Variants in BCL11B observed in about 807,000 individuals in gnomAD.
The protein encoded by BCL11B is B-cell lymphoma/leukemia 11B.
A neutral mutation model predicts 49.9 loss-of-function variants in BCL11B; 8 were observed. That is an observed-to-expected ratio of 0.16 (90% CI 0.09 to 0.29). The LOEUF (loss-of-function observed/expected upper bound fraction) is 0.29. BCL11B is among the 10% of genes least tolerant of loss of function. The probability of loss-of-function intolerance (pLI) is 1.00; values close to 1 mark genes in which losing one functional copy is unlikely to be tolerated. For missense variants in BCL11B, 1,006 were observed against 1,351.0 expected, an observed-to-expected ratio of 0.74 and a Z score of 4.00; for synonymous variants, 739 against 637.4, an observed-to-expected ratio of 1.16 and a Z score of -2.40.
At chr14:99,179,897 A>G (rs1886651548) in intron 3 of BCL11B, among the ~76,000 whole-genome samples, 1 of 152,202 alleles carries the variant, frequency 6.6e-6, no homozygotes, top group Non-Finnish European at 1.5e-5. Context: ...TCACTTTCAG[A>G]AATGGAACAA....
rs1168216060 is a variant in BCL11B at position 99,184,555 on chromosome 14, G to A, written c.641-8360C>T. ...CCCCAGGTCACAGGGCTGGTAAGTG[G>A]CAGAGTCAAGATGCACACCCGGGTC... is the stretch of plus-strand genomic sequence containing the variant. On this transcript the variant is annotated intron_variant, in intron 3 of 3. Coordinates refer to ENST00000357195, the MANE Select transcript of BCL11B (RefSeq NM_138576.4). The surrounding 1 kb of genome is among the most constrained non-coding windows in gnomAD (Gnocchi z 6.1). Among the ~76,000 whole-genome samples, 1 of 152,176 alleles carries A rather than the reference G, an allele frequency of 6.6e-6. No homozygotes were observed. Among genetic ancestry groups the A allele is most frequent in the Non-Finnish European group, 1.5e-5 (1 of 68,044 alleles).
intron 3 of BCL11B, among the ~76,000 whole-genome samples, chr14:99,193,515 T>C (rs1305524767): frequency 2.0e-5 from 3 of 152,170 alleles, no homozygotes; most frequent in South Asian, 2.1e-4. Flanking sequence ...AGCCATCAAC[T>C]TGGTACAACA....
intron 2 of BCL11B, among the ~76,000 whole-genome samples, chr14:99,256,011 C>T (rs1222894967): frequency 6.6e-6 from 1 of 152,246 alleles, no homozygotes; most frequent in Non-Finnish European, 1.5e-5. Context: ...CACAGTCTCC[C>T]CACAAAAGAG....
At chr14:99,255,577 T>C (rs965574743) in intron 2 of BCL11B, among the ~76,000 whole-genome samples, 2 of 152,282 alleles carry the variant, frequency 1.3e-5, no homozygotes, top group Middle Eastern at 3.4e-3. Context: ...GCCTTCAATG[T>C]GAAATGAGGA....
Position 99,169,584 on chromosome 14 carries a change from A to G in BCL11B, c.*4567T>C, listed in dbSNP as rs190447496. ...TAATAAATAGTTCCAAACTTGTAGTAAAAGACAAAACCTCCAAGTAAACAA... is the reference window on the plus strand; with the variant it reads ...TAATAAATAGTTCCAAACTTGTAGTGAAAGACAAAACCTCCAAGTAAACAA... On this transcript the variant is annotated 3_prime_UTR_variant, in exon 4 of 4. Transcript: ENST00000357195. 4.8e-6 allele frequency: 1 copy of G among 208,602 alleles called. No homozygotes were observed. Among genetic ancestry groups the G allele is most frequent in the African/African-American group, 2.3e-5 (1 of 44,206 alleles). The allele number at this position is 208,602 out of a possible 1,614,324, so 12.9% of individuals were successfully genotyped here.
rs1595091742 is a variant in BCL11B at position 99,271,277 on chromosome 14, G to A, written c.-59C>T. The A allele has an allele frequency of 1.3e-5, 16 of 1,239,846 alleles. No homozygotes were observed. The highest frequency in any genetic ancestry group is 1.6e-5 in the Non-Finnish European group (16 of 987,774). The allele number at this position is 1,239,846 out of a possible 1,614,324, so 76.8% of individuals were successfully genotyped here. ...GCTGCACTGATGGGGGGAGCCGGGG[G>A]AGGGGGTCCGAGCCGCCGCCGCGCC... On this transcript the variant is annotated 5_prime_UTR_variant, in exon 1 of 4. Transcript: ENST00000357195.
chr14:99,212,799 C>T (rs1887725495), intron 3 of BCL11B, among the ~76,000 whole-genome samples: 1 of 152,210 alleles, frequency 6.6e-6, no homozygotes, highest in Non-Finnish European at 1.5e-5. Context: ...AAAGACTGCA[C>T]TGCAGAGGGC....
At position 99,234,329 on chromosome 14, in the gene BCL11B, G is replaced by GA. The variant is rs36053048; in HGVS notation, c.428-2773dup. 7.2e-5 allele frequency among the ~76,000 whole-genome samples: 11 copies of GA among 152,216 alleles called. No homozygotes were observed. The East Asian group carries it at 1.7e-3, about 24-fold the overall frequency. On this transcript the variant is annotated intron_variant, in intron 2 of 3. Coordinates refer to ENST00000357195, the MANE Select transcript of BCL11B (RefSeq NM_138576.4). ...CATCATGTGACTCTTACCTCAACTT[G>GA]AAAAAACAGCCTCAGTACCTGTCCC...
chr14:99,214,671 A>AAAAC (rs1555380145), intron 3 of BCL11B, among the ~76,000 whole-genome samples: 2 of 151,540 alleles, frequency 1.3e-5, no homozygotes, highest in African/African-American at 4.8e-5. Context: ...AAATATTAAA[A>AAAAC]AAATAAATAA....
chr14:99,245,047 TAC>T (rs1250303436), intron 2 of BCL11B, among the ~76,000 whole-genome samples: 1 of 152,216 alleles, frequency 6.6e-6, no homozygotes, highest in Non-Finnish European at 1.5e-5. Flanking sequence ...GCGAACAGTA[TAC>T]AGTTTTATTT....
At chr14:99,251,168 G>A (rs576267325) in intron 2 of BCL11B, among the ~76,000 whole-genome samples, 4 of 152,270 alleles carry the variant, frequency 2.6e-5, no homozygotes, top group Non-Finnish European at 5.9e-5. Context: ...AGATAATTGG[G>A]GTCTGGACTC....
Position 99,241,362 on chromosome 14 carries a change from G to A in BCL11B, c.428-9805C>T, listed in dbSNP as rs1595066204. Among the ~76,000 whole-genome samples, 1 of 151,710 alleles carries A rather than the reference G, an allele frequency of 6.6e-6. No individual in the cohort carries two copies. Among genetic ancestry groups the A allele is most frequent in the African/African-American group, 2.4e-5 (1 of 41,252 alleles). ...ATCATAGTGTAGCCAGGATCCCAAC[G>A]AGCTCCAATTCCAGATCGGGGCGAG... On this transcript the variant is annotated intron_variant, in intron 2 of 3. Coordinates refer to ENST00000357195, the MANE Select transcript of BCL11B (RefSeq NM_138576.4). The surrounding 1 kb of genome is among the most constrained non-coding windows in gnomAD (Gnocchi z 4.4).
intron 3 of BCL11B, among the ~76,000 whole-genome samples, chr14:99,225,338 T>C (rs1333006385): frequency 1.3e-5 from 2 of 152,186 alleles, no homozygotes; most frequent in Non-Finnish European, 1.5e-5. Flanking sequence ...TAGATTGTTA[T>C]AGACTGACTT....
At chr14:99,186,259 G>A (rs779878502) in intron 3 of BCL11B, among the ~76,000 whole-genome samples, 9 of 152,222 alleles carry the variant, frequency 5.9e-5, no homozygotes, top group Non-Finnish European at 1.2e-4. Context: ...AGTGGCTCAC[G>A]CCTGTAATCC....
chr14:99,202,368 C>T (rs75484930), intron 3 of BCL11B, among the ~76,000 whole-genome samples: 2,769 of 152,266 alleles, frequency 0.018, 47 homozygotes, highest in Middle Eastern at 0.037. Context: ...GTTCTTTTCT[C>T]CTGCTTTTTC....
At chr14:99,240,293 T>C (rs933138059) in intron 2 of BCL11B, among the ~76,000 whole-genome samples, 4 of 152,250 alleles carry the variant, frequency 2.6e-5, no homozygotes, top group South Asian at 4.1e-4. Context: ...GATAGAATTA[T>C]AGGCAATTGA....
At position 99,257,535 on chromosome 14, in the gene BCL11B, G is replaced by A. The variant is rs370892505; in HGVS notation, c.363C>T (p.Pro121=). ...EPVEIGIQVT[P]DEDDHLLSPT... Reference sequence around the variant, plus strand: ...GTGAGAGCAGGTGGTCATCTTCGTCGGGGGTGACTTGGATCCCGATCTCCA... The same window carrying A: ...GTGAGAGCAGGTGGTCATCTTCGTCAGGGGTGACTTGGATCCCGATCTCCA... Residue 121 remains proline (P), a synonymous_variant, in exon 2 of 4, where the codon CCC becomes CCT. Coordinates refer to ENST00000357195, the MANE Select transcript of BCL11B (RefSeq NM_138576.4). The surrounding 1 kb of genome is among the most constrained non-coding windows in gnomAD (Gnocchi z 6.2). 4.6e-5 allele frequency: 75 copies of A among 1,613,792 alleles called. No homozygotes were observed. The African/African-American group carries it at 6.7e-4, about 14-fold the overall frequency.
rs1044201706 is a variant in BCL11B at position 99,210,469 on chromosome 14, A to C, written c.640+20876T>G. Among the ~76,000 whole-genome samples, 14 of 152,144 alleles carry C rather than the reference A, an allele frequency of 9.2e-5. No individual in the cohort carries two copies. In the East Asian group the frequency reaches 1.9e-3, roughly 21 times the overall value. ...CTTGACTGCGGAAGTGTGTTTACTGAAAAGGTTTTCTCCAGGGAGAAATCA... is the reference window on the plus strand; with the variant it reads ...CTTGACTGCGGAAGTGTGTTTACTGCAAAGGTTTTCTCCAGGGAGAAATCA... On this transcript the variant is annotated intron_variant, in intron 3 of 3. Transcript: ENST00000357195.
intron 2 of BCL11B, among the ~76,000 whole-genome samples, chr14:99,233,801 A>C (rs1273484869): frequency 1.3e-5 from 2 of 152,196 alleles, no homozygotes; most frequent in African/African-American, 4.8e-5. Context: ...GCCGCCCTGG[A>C]CAGGTTTCCC....
Sources: gnomAD v4.1 joint callset for allele counts (sites outside exome capture counted in the v4.1 genomes callset) on GRCh38, gnomAD v4.1.1 for gene constraint, Gnocchi (gnomAD v3.1) non-coding constraint, MANE v1.5 for transcripts, NCBI Gene and HGNC (gene_info 2026-07-23, HGNC 2026-07-21) for gene names.